Variants in CEP131 observed in about 807,000 individuals in gnomAD.
The protein encoded by CEP131 is centrosomal protein 131.
CEP131 carries 99 observed loss-of-function variants against 136.8 expected under a neutral mutation model. The ratio of observed to expected loss-of-function variants is 0.72; its 90% CI spans 0.62 to 0.86. The LOEUF is 0.86. Ranked by LOEUF, CEP131 falls within the 40% of genes least tolerant of loss-of-function variation. The pLI, the probability that CEP131 is intolerant of heterozygous loss-of-function variation, is 0.00. For missense variants in CEP131, 1,459 were observed against 1,463.0 expected (o/e 1.00, Z 0.04); for synonymous variants, 646 against 612.7 (o/e 1.05, Z -0.80).
At chr17:81,201,365 G>A (rs2061887224) in intron 7 of CEP131, among the ~76,000 whole-genome samples, 1 of 152,194 alleles carries the variant, frequency 6.6e-6, no homozygotes, top group Non-Finnish European at 1.5e-5. Context: ...CCCCGCGACT[G>A]TCCTGACAAG....
intron 2 of CEP131, among the ~76,000 whole-genome samples, chr17:81,212,464 C>T (rs1192571410): frequency 1.3e-5 from 2 of 152,042 alleles, no homozygotes; most frequent in Admixed American, 1.3e-4. Flanking sequence ...GGGACTGTTC[C>T]GAGTAGCCCC....
At chr17:81,192,871 GGGGCCGGGAC>G (rs1567848631) in intron 18 of CEP131, 28 bp from the exon 19 acceptor site, 1 of 1,588,756 alleles carries the variant, frequency 6.3e-7, no homozygotes. Context: ...CTGGCTCTCG[GGGGCCGGGAC>G]GGGCGGTCCC....
chr17:81,191,359 G>A, intron 21 of CEP131, 24 bp from the exon 22 acceptor site: 1 of 1,612,060 alleles, frequency 6.2e-7, no homozygotes, highest in African/African-American at 1.3e-5. Context: ...CGCTGCCTGG[G>A]GGTTGCCACC....
intron 8 of CEP131, 152 bp from the exon 9 acceptor site, chr17:81,199,987 C>T: frequency 2.6e-6 from 2 of 761,130 alleles, no homozygotes; most frequent in Non-Finnish European, 4.4e-6. Context: ...GGACCTTGAA[C>T]CTGCCATTTC....
chr17:81,193,954 G>T lies in CEP131; in HGVS notation c.2293C>A (p.Gln765Lys). Residue 765 changes from glutamine to lysine, a missense_variant, in exon 18 of 26, where the codon CAG becomes AAG. Transcript: ENST00000450824. The part of the protein sequence containing the change: ...QLEREKEALG[Q>K]QERERARQRF... ...TGCCGAGCACGTTCGCGCTCCTGCT[G>T]GCCCAGCGCCTCCTTCTCCCGCTCC... 1 of 1,542,070 alleles carries T rather than the reference G, an allele frequency of 6.5e-7. No individual in the cohort carries two copies. Among genetic ancestry groups the T allele is most frequent in the Non-Finnish European group, 8.8e-7 (1 of 1,142,854 alleles).
Position 81,203,360 on chromosome 17 carries a change from C to A in CEP131, c.629+134G>T. The A allele has an allele frequency of 1.4e-6, 1 of 694,346 alleles. No homozygotes were observed. Among genetic ancestry groups the A allele is most frequent in the Non-Finnish European group, 2.4e-6 (1 of 410,078 alleles). The allele number at this position is 694,346 out of a possible 1,614,324, so 43.0% of individuals were successfully genotyped here. A position where few individuals can be genotyped will look rare whatever the true frequency, so the allele number is the denominator to read the frequency against. On this transcript the variant is annotated intron_variant, in intron 6 of 25. Transcript: ENST00000450824. The surrounding 1 kb of genome is among the most constrained non-coding windows in gnomAD (Gnocchi z 4.6). ...GGTTGGACCCCATGCACACTGACCG[C>A]ATGCCCTGACCAAGGTAGAACCCTG...
At chr17:81,218,835 G>A (rs2062317962) in intron 2 of CEP131, among the ~76,000 whole-genome samples, 1 of 152,244 alleles carries the variant, frequency 6.6e-6, no homozygotes, top group Non-Finnish European at 1.5e-5. Context: ...GTGGAACCCT[G>A]GCCTGGGCCT....
rs979241297 is a variant in CEP131, at chr17:81,208,383, G to A, written c.272+545C>T. 3.9e-5 allele frequency among the ~76,000 whole-genome samples: 6 copies of A among 152,062 alleles called. No homozygotes were observed. Among genetic ancestry groups the A allele is most frequent in the South Asian group, 2.1e-4 (1 of 4,820 alleles). On this transcript the variant is annotated intron_variant, in intron 3 of 25. Transcript: ENST00000450824. This position sits in a 1 kb window ranked among gnomAD's most constrained non-coding sequence, Gnocchi z 5.6. The stretch of plus-strand genomic sequence containing the variant: ...TGGTGGGAGGTGGTGTCAGGACCTC[G>A]CCCACCACTCTGGGCTAGAGGATGT...
Position 81,194,090 on chromosome 17 carries a change from G to T in CEP131, c.2157C>A (p.His719Gln). The change falls in exon 18 of 26, where the codon CAC becomes CAA. Residue 719 changes from histidine (H) to glutamine (Q), a missense_variant. Physicochemically the swap from His to Gln is conservative, Grantham distance 24. Coordinates refer to ENST00000450824, the MANE Select transcript of CEP131 (RefSeq NM_014984.4). ...TCTTGAGCCTCCGCACTTCCTGCTT[G>T]TGCCTTGCAATCAGCTTCTGGATCT... ...EPEIQKLIAR[H>Q]KQEVRRLKSL... 6.4e-7 allele frequency: 1 copy of T among 1,567,330 alleles called. No homozygotes were observed. Among genetic ancestry groups the T allele is most frequent in the Non-Finnish European group, 8.6e-7 (1 of 1,158,434 alleles).
chr17:81,222,785 C>A lies in CEP131; in HGVS notation c.-34G>T, dbSNP rs113424822. The A allele has an allele frequency of 0.082, 12,540 of 152,316 alleles. 1,257 individuals carry two copies. Among genetic ancestry groups the A allele is most frequent in the African/African-American group, 0.24 (10,081 of 41,524 alleles). The allele number at this position is 152,316 out of a possible 1,614,324, so 9.4% of individuals were successfully genotyped here. On this transcript the variant is annotated 5_prime_UTR_variant, in exon 1 of 26. Transcript: ENST00000450824. ...CCCCCTCACCTGCGCGGGCCGGGGGCGCAGCCGCGAAGCCTGCCTGGCGCG... is the reference window on the plus strand; with the variant it reads ...CCCCCTCACCTGCGCGGGCCGGGGGAGCAGCCGCGAAGCCTGCCTGGCGCG...
chr17:81,198,295 G>A lies in CEP131; in HGVS notation c.1290C>T (p.Asp430=), dbSNP rs771242044. The part of the protein sequence containing the change: ...PQQPPEDRTQ[D]VLAQDAAGDN... Reference sequence around the variant, plus strand: ...CCCCAGCTGCATCCTGGGCAAGAACGTCCTGCAAAAGAGCAGGGAGACAGA... The same window carrying A: ...CCCCAGCTGCATCCTGGGCAAGAACATCCTGCAAAAGAGCAGGGAGACAGA... Residue 430 remains aspartate, a splice_region_variant and synonymous_variant, in exon 12 of 26, where the codon GAC becomes GAT. Coordinates refer to ENST00000450824, the MANE Select transcript of CEP131 (RefSeq NM_014984.4). 2.2e-5 allele frequency: 35 copies of A among 1,595,276 alleles called. No homozygotes were observed. The Admixed American group carries it at 3.1e-4, about 14-fold the overall frequency.
chr17:81,199,594 C>T, intron 9 of CEP131, 45 bp from the exon 10 acceptor site: 2 of 1,590,324 alleles, frequency 1.3e-6, no homozygotes, highest in African/African-American at 1.3e-5. Flanking sequence ...GAGAGGACGA[C>T]CCCAGGCTCC....
rs770896458 is a variant in CEP131, at chr17:81,190,629, C to T, written c.3107+10G>A. 2.6e-5 allele frequency: 41 copies of T among 1,568,496 alleles called. No homozygotes were observed. The highest frequency in any genetic ancestry group is 2.8e-5 in the Non-Finnish European group (33 of 1,163,454). ...CCTCCGTCTCCAGCCCTGCAGCCCC[C>T]GCCGCCCACCTCCGGTGCACCTCCT... On this transcript the variant is annotated intron_variant, in intron 24 of 25. Coordinates refer to ENST00000450824, the MANE Select transcript of CEP131 (RefSeq NM_014984.4).
Position 81,198,277 on chromosome 17 carries a change from T to C in CEP131, c.1308A>G (p.Ala436=). 6.2e-7 allele frequency: 1 copy of C among 1,602,738 alleles called. No homozygotes were observed. The highest frequency in any genetic ancestry group is 8.5e-7 in the Non-Finnish European group (1 of 1,174,676). ...DRTQDVLAQD[A]AGDNLEMMAP... Reference sequence around the variant, plus strand: ...CCATCATCTCCAGGTTGTCCCCAGCTGCATCCTGGGCAAGAACGTCCTGCA... The same window carrying C: ...CCATCATCTCCAGGTTGTCCCCAGCCGCATCCTGGGCAAGAACGTCCTGCA... Residue 436 remains alanine, a synonymous_variant, in exon 12 of 26, where the codon GCA becomes GCG. Transcript: ENST00000450824.
intron 4 of CEP131, 105 bp from the exon 5 acceptor site, chr17:81,206,976 C>G (rs1459212152): frequency 2.0e-6 from 3 of 1,535,126 alleles, no homozygotes; most frequent in Middle Eastern, 1.7e-4. Flanking sequence ...CCCATACAGA[C>G]AGGTGGATGT....
chr17:81,203,750 C>T lies in CEP131; in HGVS notation c.516-143G>A. ...TGCTGGCAGCATTGTCGTCCAGTGT[C>T]CCCAGGCCCCTTCCACAGCCTGCGC... On this transcript the variant is annotated intron_variant, in intron 5 of 25. Coordinates refer to ENST00000450824, the MANE Select transcript of CEP131 (RefSeq NM_014984.4). The surrounding 1 kb of genome is among the most constrained non-coding windows in gnomAD (Gnocchi z 4.6). 3.1e-6 allele frequency: 2 copies of T among 640,418 alleles called. No individual in the cohort carries two copies. The highest frequency in any genetic ancestry group is 3.8e-5 in the South Asian group (2 of 52,016). The allele number at this position is 640,418 out of a possible 1,614,324, so 39.7% of individuals were successfully genotyped here.
At chr17:81,222,296 G>GCTGACCCTGACC (rs5822394) in intron 1 of CEP131, among the ~76,000 whole-genome samples, 4 of 151,214 alleles carry the variant, frequency 2.6e-5, no homozygotes, top group African/African-American at 7.3e-5. Flanking sequence ...CCCAGGGTGG[G>GCTGACCCTGACC]CTGACCCTGA....
chr17:81,220,104 T>C, intron 1 of CEP131, 31 bp from the exon 2 acceptor site: 1 of 1,466,532 alleles, frequency 6.8e-7, no homozygotes, highest in Non-Finnish European at 9.0e-7. Flanking sequence ...TGCAATGAGA[T>C]GCCGTGGGGG....
intron 4 of CEP131, 124 bp downstream of exon 4, chr17:81,207,001 T>C (rs958287811): frequency 6.6e-7 from 1 of 1,520,636 alleles, no homozygotes; most frequent in Non-Finnish European, 8.8e-7. Flanking sequence ...GGGTCTGCCA[T>C]GTCAGATCTA....
Sources: gnomAD v4.1 joint callset for allele counts (sites outside exome capture counted in the v4.1 genomes callset) on GRCh38, gnomAD v4.1.1 for gene constraint, Gnocchi (gnomAD v3.1) non-coding constraint, MANE v1.5 for transcripts, NCBI Gene and HGNC (gene_info 2026-07-23, HGNC 2026-07-21) for gene names.